Variants in MMP13 observed in about 807,000 individuals in gnomAD.
MMP13 encodes matrix metallopeptidase 13.
Under a neutral mutation model 52.1 loss-of-function variants are expected in MMP13, and 45 were observed. The observed-to-expected ratio is 0.86, with a 90% CI of 0.68 to 1.11. The LOEUF (loss-of-function observed/expected upper bound fraction) is 1.11. Among genes scored for constraint, MMP13 ranks in the 50% least tolerant of loss-of-function variants. The probability of loss-of-function intolerance (pLI) is 0.00; values close to 1 mark genes in which losing one functional copy is unlikely to be tolerated. For synonymous variants in MMP13, 200 were observed against 204.4 expected (o/e 0.98, Z 0.18); for missense variants, 576 against 583.8 (o/e 0.99, Z 0.14).
chr11:102,948,119 G>T, intron 7 of MMP13, 69 bp from the exon 8 acceptor site: 1 of 1,336,474 alleles, frequency 7.5e-7, no homozygotes, highest in Non-Finnish European at 1.1e-6. Flanking sequence ...ATAGACATGT[G>T]CTTAAAGACA....
In MMP13 at chr11:102,952,033, G is replaced by A. The variant is rs782539182; in HGVS notation, c.778C>T (p.Gln260Ter). The A allele has an allele frequency of 1.9e-6, 3 of 1,613,246 alleles. No individual in the cohort carries two copies. The highest frequency in any genetic ancestry group is 2.5e-6 in the Non-Finnish European group (3 of 1,179,360). ...SHFMLPDDDV[Q>*]GIQSLYGPGD... Reference sequence around the variant, plus strand: ...TTACCATAGAGAGACTGGATCCCTTGTACATCGTCATCAGGAAGCATAAAG... The same window carrying A: ...TTACCATAGAGAGACTGGATCCCTTATACATCGTCATCAGGAAGCATAAAG... The change falls in exon 5 of 10, where the codon CAA (glutamine) becomes TAA (stop). Residue 260 changes from glutamine (Q) to a stop codon, truncating the protein, a stop_gained. Transcript: ENST00000260302. LOFTEE classifies it high-confidence loss of function. This position sits in a 1 kb window ranked among gnomAD's most constrained non-coding sequence, Gnocchi z 4.3.
intron 9 of MMP13, 62 bp downstream of exon 9, chr11:102,945,584 G>T: frequency 9.7e-7 from 1 of 1,031,866 alleles, no homozygotes; most frequent in Non-Finnish European, 1.5e-6. Flanking sequence ...GCTTTGTACA[G>T]AAAAGAGTTT....
Position 102,944,386 on chromosome 11 carries a change from G to A in MMP13, c.1316-20C>T. On this transcript the variant is annotated intron_variant, in intron 9 of 9. Transcript: ENST00000260302. ...TATAACCTATAAGAAAAAGCATAAA[G>A]ACAATTTCAGAGTTTGAAAATAATA... The A allele has an allele frequency of 6.6e-7, 1 of 1,505,764 alleles. No individual in the cohort carries two copies. The highest frequency in any genetic ancestry group is 9.2e-7 in the Non-Finnish European group (1 of 1,082,304). 93.3% of individuals were successfully genotyped at this position (1,505,764 alleles called of 1,614,324 possible).
rs1434906211 is a variant in MMP13, at chr11:102,954,171, T to G, written c.622A>C (p.Thr208Pro). The G allele has an allele frequency of 2.5e-6, 4 of 1,613,548 alleles. No individual in the cohort carries two copies. The South Asian group carries it at 4.4e-5, about 18-fold the overall frequency. The change falls in exon 4 of 10, where the codon ACA becomes CCA. Residue 208 changes from threonine to proline, a missense_variant. Coordinates refer to ENST00000260302, the MANE Select transcript of MMP13 (RefSeq NM_002427.4). ...GAAACATTACCTTTGGAACTACTTG[T>G]CCAGGTTTCATCATCATCAAAATGG... ...DAHFDDDETW[T>P]SSSKGYNLFL... is the part of the protein sequence containing the mutation.
At position 102,949,706 on chromosome 11, in the gene MMP13, A is replaced by G. The variant is rs11225489; in HGVS notation, c.917+404T>C. The stretch of plus-strand genomic sequence containing the variant: ...TATATTGCATTTCTGGGTTCATTTC[A>G]TTTCATCCCTCAAATTCCAACATGT... On this transcript the variant is annotated intron_variant, in intron 6 of 9. Coordinates refer to ENST00000260302, the MANE Select transcript of MMP13 (RefSeq NM_002427.4). This position sits in a 1 kb window ranked among gnomAD's most constrained non-coding sequence, Gnocchi z 4.2. Among the ~76,000 whole-genome samples, 1 of 152,194 alleles carries G rather than the reference A, an allele frequency of 6.6e-6. No individual in the cohort carries two copies. The highest frequency in any genetic ancestry group is 1.5e-5 in the Non-Finnish European group (1 of 68,036).
In MMP13 at chr11:102,951,197, T is replaced by A. The variant is rs1015761494; in HGVS notation, c.799+815A>T. On this transcript the variant is annotated intron_variant, in intron 5 of 9. Transcript: ENST00000260302. ...TTTTTTTTACAATGGTTACTGTAGA[T>A]GTTGATTAAAAACTACCACAGGCCA... Among the ~76,000 whole-genome samples, 4 of 152,210 alleles carry A rather than the reference T, an allele frequency of 2.6e-5. No individual in the cohort carries two copies. The East Asian group carries it at 7.7e-4, about 29-fold the overall frequency.
Position 102,949,648 on chromosome 11 carries a change from A to G in MMP13, c.917+462T>C, listed in dbSNP as rs1860576140. Among the ~76,000 whole-genome samples the G allele has an allele frequency of 6.6e-6, 1 of 152,208 alleles. No individual in the cohort carries two copies. Among genetic ancestry groups the G allele is most frequent in the South Asian group, 2.1e-4 (1 of 4,832 alleles). On this transcript the variant is annotated intron_variant, in intron 6 of 9. Transcript: ENST00000260302. This position sits in a 1 kb window ranked among gnomAD's most constrained non-coding sequence, Gnocchi z 4.2. Reference sequence around the variant, plus strand: ...GGGATCAATGAATGAATGAATAAACAAGCATACTGGAACAGTGTAGAAATT... The same window carrying G: ...GGGATCAATGAATGAATGAATAAACGAGCATACTGGAACAGTGTAGAAATT...
At chr11:102,946,631 A>G in intron 8 of MMP13, among the ~76,000 whole-genome samples, 1 of 152,200 alleles carries the variant, frequency 6.6e-6, no homozygotes. Context: ...CAAGAGGGAG[A>G]GATGCAGGGA....
chr11:102,949,695 G>T lies in MMP13; in HGVS notation c.917+415C>A, dbSNP rs1860576679. Among the ~76,000 whole-genome samples, 1 of 152,104 alleles carries T rather than the reference G, an allele frequency of 6.6e-6. No individual in the cohort carries two copies. The highest frequency in any genetic ancestry group is 1.5e-5 in the Non-Finnish European group (1 of 68,010). On this transcript the variant is annotated intron_variant, in intron 6 of 9. Coordinates refer to ENST00000260302, the MANE Select transcript of MMP13 (RefSeq NM_002427.4). This position sits in a 1 kb window ranked among gnomAD's most constrained non-coding sequence, Gnocchi z 4.2. The stretch of plus-strand genomic sequence containing the variant: ...AATTAAAATTTTATATTGCATTTCT[G>T]GGTTCATTTCATTTCATCCCTCAAA...
At chr11:102,948,897 T>A (rs1591155499) in intron 7 of MMP13, 128 bp downstream of exon 7, 3 of 1,336,010 alleles carry the variant, frequency 2.2e-6, no homozygotes, top group East Asian at 4.7e-5. Context: ...TGGCTTCCAT[T>A]TTTTTAATAC....
In MMP13 at chr11:102,950,000, T is replaced by C. The variant is rs534513540; in HGVS notation, c.917+110A>G. 1 of 891,440 alleles carries C rather than the reference T, an allele frequency of 1.1e-6. No individual in the cohort carries two copies. Among genetic ancestry groups the C allele is most frequent in the East Asian group, 2.4e-5 (1 of 41,596 alleles). The allele number at this position is 891,440 out of a possible 1,614,324, so 55.2% of individuals were successfully genotyped here. A position where few individuals can be genotyped will look rare whatever the true frequency, so the allele number is the denominator to read the frequency against. Reference sequence around the variant, plus strand: ...ATGTAAATAAACTGCCTGCCCATTTTTACTGCTAACTTCGCCTTTGGAAGT... The same window carrying C: ...ATGTAAATAAACTGCCTGCCCATTTCTACTGCTAACTTCGCCTTTGGAAGT... On this transcript the variant is annotated intron_variant, in intron 6 of 9. Coordinates refer to ENST00000260302, the MANE Select transcript of MMP13 (RefSeq NM_002427.4). The surrounding 1 kb of genome is among the most constrained non-coding windows in gnomAD (Gnocchi z 4.2).
rs1309241635 is a variant in MMP13 at position 102,955,543 on chromosome 11, G to C, written c.120+43C>G. On this transcript the variant is annotated intron_variant, in intron 1 of 9. Coordinates refer to ENST00000260302, the MANE Select transcript of MMP13 (RefSeq NM_002427.4). The surrounding 1 kb of genome is among the most constrained non-coding windows in gnomAD (Gnocchi z 4.9). Reference sequence around the variant, plus strand: ...GCGTTTAAAAGAGAAGGACATTTCTGAGATGTACCAACCGCATCATCAGGA... The same window carrying C: ...GCGTTTAAAAGAGAAGGACATTTCTCAGATGTACCAACCGCATCATCAGGA... 6.2e-7 allele frequency: 1 copy of C among 1,613,992 alleles called. No individual in the cohort carries two copies. The highest frequency in any genetic ancestry group is 2.2e-5 in the East Asian group (1 of 44,882).
chr11:102,945,640 A>G lies in MMP13; in HGVS notation c.1315+6T>C, dbSNP rs782046795. ...TCTTTAAAGTCAGTGCAATGTAACTACTTACCATTTTTCTCATAGACAGCA... is the reference window on the plus strand; with the variant it reads ...TCTTTAAAGTCAGTGCAATGTAACTGCTTACCATTTTTCTCATAGACAGCA... On this transcript the variant is annotated splice_donor_region_variant and intron_variant, in intron 9 of 9. Coordinates refer to ENST00000260302, the MANE Select transcript of MMP13 (RefSeq NM_002427.4). 5.2e-5 allele frequency: 80 copies of G among 1,529,994 alleles called. No homozygotes were observed. The highest frequency in any genetic ancestry group is 7.2e-6 in the Non-Finnish European group (8 of 1,104,688). The allele number at this position is 1,529,994 out of a possible 1,614,324, so 94.8% of individuals were successfully genotyped here.
chr11:102,945,575 C>T (rs1196133526), intron 9 of MMP13, 71 bp downstream of exon 9: 6 of 960,282 alleles, frequency 6.2e-6, no homozygotes, highest in Admixed American at 1.7e-5. Context: ...TATAAAAATG[C>T]TTTGTACAGA....
chr11:102,952,241 A>AT lies in MMP13; in HGVS notation c.638-69dup. On this transcript the variant is annotated intron_variant, in intron 4 of 9. Coordinates refer to ENST00000260302, the MANE Select transcript of MMP13 (RefSeq NM_002427.4). This position sits in a 1 kb window ranked among gnomAD's most constrained non-coding sequence, Gnocchi z 4.3. ...GTGACCAGGTAATGAAAGGAATATC[A>AT]TTTTATCTATCTGGTATGTTTCTTT... is the stretch of plus-strand genomic sequence containing the variant. The AT allele has an allele frequency of 6.6e-7, 1 of 1,509,514 alleles. No individual in the cohort carries two copies. The highest frequency in any genetic ancestry group is 1.1e-5 in the South Asian group (1 of 88,306). The allele number at this position is 1,509,514 out of a possible 1,614,324, so 93.5% of individuals were successfully genotyped here.
chr11:102,944,465 G>A (rs975355482), intron 9 of MMP13, 99 bp from the exon 10 acceptor site: 8 of 862,166 alleles, frequency 9.3e-6, no homozygotes, highest in Non-Finnish European at 1.3e-5. Flanking sequence ...CCATTTGTAG[G>A]AATTTCAAAC....
intron 8 of MMP13, 43 bp from the exon 9 acceptor site, chr11:102,945,792 G>T: frequency 9.8e-7 from 1 of 1,022,066 alleles, no homozygotes; most frequent in Non-Finnish European, 1.5e-6. Flanking sequence ...ATATTTCTTA[G>T]AAAGTACCTT....
chr11:102,943,749 T>C lies in MMP13; in HGVS notation c.*517A>G, dbSNP rs1860447498. 1 of 160,578 alleles carries C rather than the reference T, an allele frequency of 6.2e-6. No individual in the cohort carries two copies. Among genetic ancestry groups the C allele is most frequent in the African/African-American group, 2.4e-5 (1 of 41,504 alleles). The allele number at this position is 160,578 out of a possible 1,614,324, so 9.9% of individuals were successfully genotyped here. On this transcript the variant is annotated 3_prime_UTR_variant, in exon 10 of 10. Transcript: ENST00000260302. ...CTGTGTGAAGAAGGGCACATACATC[T>C]GAATATCCTCAGTGCAAAATGAAAA... is the stretch of plus-strand genomic sequence containing the variant.
chr11:102,947,990 G>A lies in MMP13; in HGVS notation c.1112C>T (p.Ser371Phe). ...AACTTCTTTTGGAAGACCCAGTTCA[G>A]ATATTTTTTTGGGATAACCTTCCAG... The part of the protein sequence containing the change: ...DILEGYPKKI[S>F]ELGLPKEVKK... Residue 371 changes from serine to phenylalanine, a missense_variant, in exon 8 of 10, where the codon TCT (serine) becomes TTT (phenylalanine). Coordinates refer to ENST00000260302, the MANE Select transcript of MMP13 (RefSeq NM_002427.4). The A allele has an allele frequency of 1.1e-5, 18 of 1,613,782 alleles. No homozygotes were observed. Among genetic ancestry groups the A allele is most frequent in the Non-Finnish European group, 1.4e-5 (17 of 1,179,864 alleles).
Sources: gnomAD v4.1 joint callset for allele counts (sites outside exome capture counted in the v4.1 genomes callset) on GRCh38, gnomAD v4.1.1 for gene constraint, Gnocchi (gnomAD v3.1) non-coding constraint, MANE v1.5 for transcripts, NCBI Gene and HGNC (gene_info 2026-07-23, HGNC 2026-07-21) for gene names.